Variants in WDR93 observed in about 807,000 individuals in gnomAD.
The protein encoded by WDR93 is WD repeat-containing protein 93.
WDR93 carries 73 observed loss-of-function variants against 82.9 expected under a neutral mutation model. That is an observed-to-expected ratio of 0.88 (90% CI 0.73 to 1.07). The LOEUF is 1.07. Ranked by LOEUF, WDR93 falls within the 50% of genes least tolerant of loss-of-function variation. The probability of loss-of-function intolerance (pLI) is 0.00; values close to 1 mark genes in which losing one functional copy is unlikely to be tolerated. For missense variants in WDR93, 738 were observed against 826.0 expected (o/e 0.89, Z 1.31); for synonymous variants, 283 against 300.1 (o/e 0.94, Z 0.59).
chr15:89,708,515 C>T (rs1965822063), intron 4 of WDR93, among the ~76,000 whole-genome samples: 1 of 152,154 alleles, frequency 6.6e-6, no homozygotes, highest in Admixed American at 6.5e-5. Context: ...CCCACATCTG[C>T]ACCATAAGAA....
intron 8 of WDR93, among the ~76,000 whole-genome samples, chr15:89,726,466 CTG>C (rs1419717134): frequency 8.5e-5 from 13 of 152,296 alleles, no homozygotes; most frequent in African/African-American, 2.9e-4. Context: ...GCAGTTGTCT[CTG>C]AGGAAGCAGT....
At chr15:89,718,408 A>T (rs1392643724) in intron 7 of WDR93, among the ~76,000 whole-genome samples, 1 of 151,472 alleles carries the variant, frequency 6.6e-6, no homozygotes, top group African/African-American at 2.4e-5. Flanking sequence ...CGGGAGGCGG[A>T]GGTTGCAGTG....
At position 89,727,304 on chromosome 15, in the gene WDR93, G is replaced by A. The variant is rs756251976; in HGVS notation, c.1028G>A (p.Arg343Lys). 6.2e-7 allele frequency: 1 copy of A among 1,614,048 alleles called. No individual in the cohort carries two copies. Among genetic ancestry groups the A allele is most frequent in the Non-Finnish European group, 8.5e-7 (1 of 1,179,992 alleles). Residue 343 changes from arginine (R) to lysine (K), a missense_variant, in exon 9 of 17, where the codon AGG (arginine) becomes AAG (lysine). Coordinates refer to ENST00000268130, the MANE Select transcript of WDR93 (RefSeq NM_020212.2). ...GCTTCCTACAAGAAGTACCTAGATA[G>A]GGAGTGGGAGGAAGAGCCACTCAGG... Reference protein sequence around the residue: ...FNASYKKYLDREWEEEPLSTA... With the variant: ...FNASYKKYLDKEWEEEPLSTA...
intron 4 of WDR93, among the ~76,000 whole-genome samples, chr15:89,708,381 TC>T (rs1246687447): frequency 6.6e-6 from 1 of 151,950 alleles, no homozygotes; most frequent in Non-Finnish European, 1.5e-5. Flanking sequence ...CAGCCCCACC[TC>T]CACCCGTCCT....
intron 7 of WDR93, among the ~76,000 whole-genome samples, chr15:89,717,406 C>G (rs1403689509): frequency 6.6e-6 from 1 of 152,144 alleles, no homozygotes; most frequent in Admixed American, 6.5e-5. Context: ...GTCAAATATG[C>G]TAATGAAATG....
At chr15:89,740,584 C>T (rs1306970476) in intron 16 of WDR93, among the ~76,000 whole-genome samples, 1 of 152,172 alleles carries the variant, frequency 6.6e-6, no homozygotes, top group Non-Finnish European at 1.5e-5. Flanking sequence ...TCACTGCAAC[C>T]TCTGCCTCCC....
intron 8 of WDR93, among the ~76,000 whole-genome samples, chr15:89,725,525 T>A (rs531159114): frequency 6.6e-6 from 1 of 151,666 alleles, no homozygotes; most frequent in Non-Finnish European, 1.5e-5. Flanking sequence ...AAGCTTCTAG[T>A]GAGATGGCAA....
chr15:89,714,864 G>C (rs2141638207), intron 5 of WDR93, 116 bp from the exon 6 acceptor site: 1 of 762,842 alleles, frequency 1.3e-6, no homozygotes, highest in Non-Finnish European at 2.2e-6. Context: ...AAGTTGCCTG[G>C]TATGGAGGTG....
At chr15:89,734,296 C>G (rs752307161) in intron 13 of WDR93, among the ~76,000 whole-genome samples, 44 of 152,158 alleles carry the variant, frequency 2.9e-4, no homozygotes, top group Non-Finnish European at 8.8e-5. Flanking sequence ...ACTGGTCTCA[C>G]CTGGGCTCTC....
intron 12 of WDR93, among the ~76,000 whole-genome samples, chr15:89,732,765 TC>T (rs1966878118): frequency 6.6e-6 from 1 of 152,078 alleles, no homozygotes; most frequent in Non-Finnish European, 1.5e-5. Flanking sequence ...CCTGCCCTCC[TC>T]CATGCTCTTG....
chr15:89,717,390 CT>C (rs1782019937), intron 7 of WDR93, among the ~76,000 whole-genome samples: 1 of 152,094 alleles, frequency 6.6e-6, no homozygotes, highest in South Asian at 2.1e-4. Context: ...GAAATTTACC[CT>C]AAATGTCAAA....
At chr15:89,690,643 C>T (rs1964819444), upstream of WDR93, 2 of 1,550,108 alleles carry the variant, frequency 1.3e-6, no homozygotes, top group African/African-American at 2.7e-5. Context: ...GGCTTCTAGC[C>T]CAAAGGCCAC....
At chr15:89,726,781 G>A (rs759124692) in intron 8 of WDR93, among the ~76,000 whole-genome samples, 5 of 152,226 alleles carry the variant, frequency 3.3e-5, no homozygotes, top group African/African-American at 7.2e-5. Flanking sequence ...GTAACTGGCA[G>A]ATCTGGGGCC....
In WDR93 at chr15:89,743,598, G is replaced by GC. The variant is rs2141742533; in HGVS notation, c.*208dup. 1.7e-6 allele frequency: 1 copy of GC among 585,650 alleles called. No individual in the cohort carries two copies. Among genetic ancestry groups the GC allele is most frequent in the South Asian group, 2.1e-5 (1 of 48,772 alleles). The allele number at this position is 585,650 out of a possible 1,614,324, so 36.3% of individuals were successfully genotyped here. A position where few individuals can be genotyped will look rare whatever the true frequency, so the allele number is the denominator to read the frequency against. ...GCCTCTTGTCAGAGCCCTCAGGCAGGCAGATGTGTCACCCAAATAAACAGT... is the reference window on the plus strand; with the variant it reads ...GCCTCTTGTCAGAGCCCTCAGGCAGGCCAGATGTGTCACCCAAATAAACAGT... On this transcript the variant is annotated 3_prime_UTR_variant, in exon 17 of 17. Transcript: ENST00000268130.
upstream of WDR93, chr15:89,690,548 G>A (rs1421991524): frequency 1.3e-6 from 2 of 1,537,962 alleles, no homozygotes; most frequent in East Asian, 2.5e-5. Context: ...GGGCGAGAAA[G>A]GGGCGGAGGC....
At chr15:89,733,993 ATGTGTGTGTG>A (rs527967695) in intron 13 of WDR93, among the ~76,000 whole-genome samples, 1 of 149,206 alleles carries the variant, frequency 6.7e-6, no homozygotes. Context: ...AACCTGTATA[ATGTGTGTGTG>A]TGTGTGTGTG....
intron 6 of WDR93, among the ~76,000 whole-genome samples, chr15:89,715,565 G>T (rs958207272): frequency 3.0e-4 from 45 of 152,104 alleles, no homozygotes; most frequent in Non-Finnish European, 6.0e-4. Flanking sequence ...TATATATGAT[G>T]ACTGGGCCTT....
In WDR93 at chr15:89,723,652, A is replaced by C. The variant is rs533412642; in HGVS notation, c.880+1513A>C. Among the ~76,000 whole-genome samples, 135 of 152,316 alleles carry C rather than the reference A, an allele frequency of 8.9e-4. 1 individual carries two copies. The highest frequency in any genetic ancestry group is 2.9e-3 in the African/African-American group (121 of 41,566). On this transcript the variant is annotated intron_variant, in intron 8 of 16. Transcript: ENST00000268130. ...GAAATAGCAGATAGAAAAATAGAGG[A>C]AAAATAGGTGAATGAAGCAGGATAC...
At position 89,729,740 on chromosome 15, in the gene WDR93, C is replaced by T; in HGVS notation, c.1181C>T (p.Ser394Leu). The change falls in exon 11 of 17, where the codon TCA (serine) becomes TTA (leucine). Residue 394 changes from serine to leucine, a missense_variant. Coordinates refer to ENST00000268130, the MANE Select transcript of WDR93 (RefSeq NM_020212.2). ...AGAAGTCACAATTTCTTCCTGTATTCACTAAACCGAACTCTAAAGGATAAA... is the reference window on the plus strand; with the variant it reads ...AGAAGTCACAATTTCTTCCTGTATTTACTAAACCGAACTCTAAAGGATAAA... The part of the protein sequence containing the change: ...WTRSHNFFLY[S>L]LNRTLKDKAD... 1.9e-6 allele frequency: 3 copies of T among 1,613,548 alleles called. No individual in the cohort carries two copies. The highest frequency in any genetic ancestry group is 2.2e-5 in the East Asian group (1 of 44,844).
Sources: allele counts gnomAD v4.1 joint callset (sites outside exome capture counted in the v4.1 genomes callset), GRCh38; gene constraint gnomAD v4.1.1; transcripts MANE v1.5; gene names NCBI Gene and HGNC (gene_info 2026-07-23, HGNC 2026-07-21).